The following GOLM1 variants were observed in gnomAD, a reference collection of about 807,000 sequenced individuals.
GOLM1 encodes golgi membrane protein 1.
GOLM1 carries 31 observed loss-of-function variants against 50.5 expected under a neutral mutation model. The observed-to-expected ratio is 0.61, with a 90% CI of 0.46 to 0.83. The LOEUF is 0.83. Among genes scored for constraint, GOLM1 ranks in the 40% least tolerant of loss-of-function variants. The probability of loss-of-function intolerance (pLI) is 0.00; values close to 1 mark genes in which losing one functional copy is unlikely to be tolerated. For synonymous variants in GOLM1, 178 were observed against 192.8 expected, an observed-to-expected ratio of 0.92 and a Z score of 0.64; for missense variants, 491 against 501.3, an observed-to-expected ratio of 0.98 and a Z score of 0.20.
chr9:86,090,840 C>T (rs11141225), intron 1 of GOLM1, among the ~76,000 whole-genome samples: 63,316 of 148,748 alleles, frequency 0.43, 15,501 homozygotes, highest in Non-Finnish European at 0.57. Flanking sequence ...CAGTGTCTGC[C>T]CAAATGGCCG....
intron 5 of GOLM1, among the ~76,000 whole-genome samples, chr9:86,044,927 G>C (rs573662441): frequency 6.6e-6 from 1 of 151,926 alleles, no homozygotes; most frequent in African/African-American, 2.4e-5. Context: ...ACTCTAGCCT[G>C]GGAAACGAGC....
rs529473185 is a variant in GOLM1 at position 86,037,569 on chromosome 9, C to T, written c.598-1062G>A. Among the ~76,000 whole-genome samples, 7 of 152,284 alleles carry T rather than the reference C, an allele frequency of 4.6e-5. No homozygotes were observed. The South Asian group carries it at 1.0e-3, about 23-fold the overall frequency. On this transcript the variant is annotated intron_variant, in intron 6 of 9. Transcript: ENST00000388712. Reference sequence around the variant, plus strand: ...TTCAAGCATCTGTATTAGAAGACTTCCAGTTTTCTGTTCCTCACGTGAGAA... The same window carrying T: ...TTCAAGCATCTGTATTAGAAGACTTTCAGTTTTCTGTTCCTCACGTGAGAA...
At chr9:86,080,383 T>C (rs970939356) in intron 1 of GOLM1, among the ~76,000 whole-genome samples, 1 of 152,124 alleles carries the variant, frequency 6.6e-6, no homozygotes, top group Non-Finnish European at 1.5e-5. Context: ...AAACAGAACC[T>C]TATCAGAGTG....
intron 1 of GOLM1, among the ~76,000 whole-genome samples, chr9:86,093,389 A>G (rs1835245474): frequency 6.6e-6 from 1 of 151,560 alleles, no homozygotes; most frequent in Admixed American, 6.6e-5. Context: ...AAAAAAAAAA[A>G]AAAAAGAAAC....
Position 86,046,495 on chromosome 9 carries a change from G to T in GOLM1, c.442C>A (p.Leu148Met). ...AGGTCGTAGGAGAACTTCCTCTCCA[G>T]GTTGGTCTGGTTCTTCTGAAACTGG... ...VLQFQKNQTN[L>M]ERKFSYDLSQ... is the part of the protein sequence containing the mutation. The change falls in exon 5 of 10, where the codon CTG becomes ATG. Residue 148 changes from leucine (L) to methionine (M), a missense_variant. Leu to Met is a conservative substitution (Grantham distance 15). Transcript: ENST00000388712. 1.9e-6 allele frequency: 3 copies of T among 1,611,800 alleles called. No individual in the cohort carries two copies. The highest frequency in any genetic ancestry group is 2.5e-6 in the Non-Finnish European group (3 of 1,177,890).
At chr9:86,076,588 G>A (rs976853223) in intron 3 of GOLM1, among the ~76,000 whole-genome samples, 9 of 150,812 alleles carry the variant, frequency 6.0e-5, no homozygotes, top group East Asian at 2.0e-4. Flanking sequence ...AAACCAGGCC[G>A]GGCACGGTGG....
At chr9:86,094,127 T>A (rs1319036847) in intron 1 of GOLM1, among the ~76,000 whole-genome samples, 1 of 151,520 alleles carries the variant, frequency 6.6e-6, no homozygotes, top group African/African-American at 2.4e-5. Context: ...AAGCCAGGGG[T>A]GAGCAAACTA....
At chr9:86,035,892 A>AAAAAAAC (rs1297058329) in intron 7 of GOLM1, among the ~76,000 whole-genome samples, 1 of 151,062 alleles carries the variant, frequency 6.6e-6, no homozygotes, top group African/African-American at 2.4e-5. Flanking sequence ...ACAAAAAAAA[A>AAAAAAAC]AAAACACCTG....
intron 3 of GOLM1, among the ~76,000 whole-genome samples, chr9:86,055,706 T>C (rs1231455418): frequency 6.6e-6 from 1 of 152,188 alleles, no homozygotes; most frequent in African/African-American, 2.4e-5. Flanking sequence ...GGACAAATGC[T>C]GTAGGATTCC....
chr9:86,080,063 T>G (rs1364559310), intron 1 of GOLM1: 1 of 152,218 alleles, frequency 6.6e-6, no homozygotes, highest in Non-Finnish European at 1.5e-5. Flanking sequence ...AGGAAAAATG[T>G]GTTCCATCTT....
Position 86,027,464 on chromosome 9 carries a change from C to G in GOLM1, c.*353G>C. On this transcript the variant is annotated 3_prime_UTR_variant, in exon 10 of 10. Transcript: ENST00000388712. ...GTCTCTCCTTCACAGCAGATGGACT[C>G]TTCTATAGGTGGCTGTTAATTTACA... is the stretch of plus-strand genomic sequence containing the variant. 9.2e-7 allele frequency: 1 copy of G among 1,082,790 alleles called. No homozygotes were observed. The highest frequency in any genetic ancestry group is 1.1e-6 in the Non-Finnish European group (1 of 891,366). The allele number at this position is 1,082,790 out of a possible 1,614,324, so 67.1% of individuals were successfully genotyped here.
At chr9:86,050,881 T>A (rs1833724968) in intron 4 of GOLM1, among the ~76,000 whole-genome samples, 1 of 152,234 alleles carries the variant, frequency 6.6e-6, no homozygotes. Context: ...TGCTCTGATC[T>A]TAGCTATTTC....
intron 3 of GOLM1, among the ~76,000 whole-genome samples, chr9:86,074,289 G>C (rs1273460320): frequency 6.6e-6 from 1 of 151,172 alleles, no homozygotes; most frequent in African/African-American, 2.4e-5. Flanking sequence ...TTTAGGTGAA[G>C]GATAAGCCCA....
intron 1 of GOLM1, among the ~76,000 whole-genome samples, chr9:86,097,787 C>T (rs78883962): frequency 0.01 from 1,543 of 152,294 alleles, 45 homozygotes; most frequent in East Asian, 0.099. Context: ...GCAGTTCCCT[C>T]CTTCCTGGGG....
chr9:86,035,478 A>G lies in GOLM1; in HGVS notation c.905T>C (p.Val302Ala). 6.2e-7 allele frequency: 1 copy of G among 1,613,358 alleles called. No individual in the cohort carries two copies. The highest frequency in any genetic ancestry group is 8.5e-7 in the Non-Finnish European group (1 of 1,179,902). ...GAGELGQTPQ[V>A]QAALSVSQEN... ...CTGGCTCACTGACAGGGCAGCCTGC[A>G]CCTGTGGGGTCTGGCCCAGTTCTCC... Residue 302 changes from valine (V) to alanine (A), a missense_variant, in exon 8 of 10, where the codon GTG becomes GCG. Coordinates refer to ENST00000388712, the MANE Select transcript of GOLM1 (RefSeq NM_016548.4).
chr9:86,044,810 G>C (rs926588535), intron 5 of GOLM1, among the ~76,000 whole-genome samples: 2 of 152,030 alleles, frequency 1.3e-5, no homozygotes, highest in Non-Finnish European at 1.5e-5. Context: ...AAATTAACCA[G>C]GTGTGGTGGC....
At chr9:86,060,910 A>AT (rs1834141874) in intron 3 of GOLM1, among the ~76,000 whole-genome samples, 1 of 77,008 alleles carries the variant, frequency 1.3e-5, no homozygotes, top group Admixed American at 1.2e-4. Flanking sequence ...AAAAAAAAAA[A>AT]AAAAGAAGAA....
intron 3 of GOLM1, among the ~76,000 whole-genome samples, chr9:86,055,293 T>G (rs1833953251): frequency 6.6e-6 from 1 of 151,850 alleles, no homozygotes; most frequent in South Asian, 2.1e-4. Context: ...ACATCAGGGA[T>G]TTTGCGGGGA....
intron 6 of GOLM1, 67 bp from the exon 7 acceptor site, chr9:86,036,574 T>TACCAATGCAATGAATCCC: frequency 6.5e-7 from 1 of 1,528,306 alleles, no homozygotes; most frequent in Non-Finnish European, 8.9e-7. Context: ...AAAAGAATCC[T>TACCAATGCAATGAATCCC]ACCAATGCAA....
Sources: gnomAD v4.1 joint callset for allele counts (sites outside exome capture counted in the v4.1 genomes callset) on GRCh38, gnomAD v4.1.1 for gene constraint, MANE v1.5 for transcripts, NCBI Gene and HGNC (gene_info 2026-07-23, HGNC 2026-07-21) for gene names.